The following CUX1 variants were observed in gnomAD, a reference collection of about 807,000 sequenced individuals.
The protein encoded by CUX1 is protein CASP.
A neutral mutation model predicts 158.8 loss-of-function variants in CUX1; 31 were observed. The ratio of observed to expected loss-of-function variants is 0.20; its 90% CI spans 0.15 to 0.26. The LOEUF is 0.26. CUX1 is among the 10% of genes least tolerant of loss of function. The pLI, the probability that CUX1 is intolerant of heterozygous loss-of-function variation, is 1.00. For synonymous variants in CUX1, 879 were observed against 862.1 expected (o/e 1.02, Z -0.34); for missense variants, 1,589 against 2,014.6 (o/e 0.79, Z 4.04).
chr7:102,179,031 A>G (rs547270672), intron 11 of CUX1, among the ~76,000 whole-genome samples: 1 of 152,036 alleles, frequency 6.6e-6, no homozygotes, highest in South Asian at 2.1e-4. Context: ...TGCCCGGCTT[A>G]TTTGTTTATT....
intron 21 of CUX1, 61 bp downstream of exon 21, chr7:102,227,730 T>C (rs1554529183): frequency 1.3e-6 from 2 of 1,548,994 alleles, no homozygotes; most frequent in Admixed American, 3.5e-5. Context: ...GAGGAGCAGG[T>C]GAAGGGCGGG....
intron 8 of CUX1, among the ~76,000 whole-genome samples, chr7:102,126,810 G>T (rs1554495423): frequency 6.6e-6 from 1 of 152,168 alleles, no homozygotes; most frequent in African/African-American, 2.4e-5. Flanking sequence ...TTATTATTAT[G>T]ACATTGTAAT....
intron 3 of CUX1, among the ~76,000 whole-genome samples, chr7:102,029,331 C>T (rs1820433872): frequency 6.6e-6 from 1 of 151,952 alleles, no homozygotes; most frequent in African/African-American, 2.4e-5. Context: ...TCACAGGGAA[C>T]ACATGGGGGA....
chr7:101,874,542 G>A (rs1028076725), intron 1 of CUX1, among the ~76,000 whole-genome samples: 3 of 152,192 alleles, frequency 2.0e-5, no homozygotes, highest in Non-Finnish European at 4.4e-5. Flanking sequence ...TTTTAGGATC[G>A]TGATGTCTTT....
intron 11 of CUX1, among the ~76,000 whole-genome samples, chr7:102,189,399 A>ATTC (rs1554516291): frequency 1.2e-5 from 1 of 83,604 alleles, no homozygotes; most frequent in Non-Finnish European, 2.7e-5. Context: ...TTTTTTTAAA[A>ATTC]AAAAAAGAGG....
rs781812303 is a variant in CUX1 at position 102,249,272 on chromosome 7, C to G, written c.*230C>G. On this transcript the variant is annotated 3_prime_UTR_variant, in exon 24 of 24. Coordinates refer to ENST00000292535, the MANE Select transcript of CUX1 (RefSeq NM_181552.4). ...GACCCACTCTGCGGCCCGGGCCGAC[C>G]CTGCGGCCTCCACCAACCCCGCGGC... 15 of 1,052,728 alleles carry G rather than the reference C, an allele frequency of 1.4e-5. No individual in the cohort carries two copies. The highest frequency in any genetic ancestry group is 1.6e-5 in the Non-Finnish European group (14 of 872,590). 65.2% of individuals were successfully genotyped at this position (1,052,728 alleles called of 1,614,324 possible). A position where few individuals can be genotyped will look rare whatever the true frequency, so the allele number is the denominator to read the frequency against.
chr7:102,179,979 G>C (rs1792850649), intron 11 of CUX1, among the ~76,000 whole-genome samples: 1 of 152,142 alleles, frequency 6.6e-6, no homozygotes, highest in Non-Finnish European at 1.5e-5. Flanking sequence ...CTGGTATGAA[G>C]TAGTCCTAGG....
chr7:102,264,539 CTTTG>C (rs1337663642), intron 14 of CUX1, among the ~76,000 whole-genome samples: 1 of 152,070 alleles, frequency 6.6e-6, no homozygotes, highest in Non-Finnish European at 1.5e-5. Context: ...ATTGCTGAGG[CTTTG>C]TTTTTTACTC....
At chr7:102,185,931 A>G (rs1793575668) in intron 11 of CUX1, among the ~76,000 whole-genome samples, 2 of 152,182 alleles carry the variant, frequency 1.3e-5, no homozygotes, top group Admixed American at 1.3e-4. Context: ...AAGTTTTGCA[A>G]TCATGAAATC....
chr7:102,024,695 G>T (rs998671950), intron 2 of CUX1, among the ~76,000 whole-genome samples: 4 of 152,050 alleles, frequency 2.6e-5, no homozygotes, highest in African/African-American at 4.8e-5. Context: ...TGTGTGCCAG[G>T]CCCCATGGTC....
At chr7:102,081,098 T>G (rs1827332317) in intron 4 of CUX1, among the ~76,000 whole-genome samples, 1 of 152,178 alleles carries the variant, frequency 6.6e-6, no homozygotes, top group South Asian at 2.1e-4. Context: ...TCTTCACCTA[T>G]TTACACTCTT....
chr7:101,870,547 C>G (rs1419094676), intron 1 of CUX1, among the ~76,000 whole-genome samples: 1 of 152,132 alleles, frequency 6.6e-6, no homozygotes, highest in East Asian at 1.9e-4. Flanking sequence ...CTGCGATACT[C>G]CAGTCAAGGC....
chr7:102,219,890 C>G (rs1554526300), intron 20 of CUX1, among the ~76,000 whole-genome samples: 1 of 152,196 alleles, frequency 6.6e-6, no homozygotes, highest in Non-Finnish European at 1.5e-5. Context: ...GATGGAGATT[C>G]AGCAGGGCTG....
chr7:101,923,896 C>T (rs1306075944), intron 2 of CUX1, among the ~76,000 whole-genome samples: 2 of 152,252 alleles, frequency 1.3e-5, no homozygotes, highest in Non-Finnish European at 2.9e-5. Context: ...ACATCTTCCT[C>T]TGCCCCTTCT....
At chr7:101,880,265 C>T (rs971787238) in intron 1 of CUX1, among the ~76,000 whole-genome samples, 1 of 152,132 alleles carries the variant, frequency 6.6e-6, no homozygotes, top group African/African-American at 2.4e-5. Context: ...TGCTCGTTCA[C>T]TGTGGATTAA....
At chr7:102,268,272 C>T (rs1164183615) in intron 14 of CUX1, among the ~76,000 whole-genome samples, 2 of 152,228 alleles carry the variant, frequency 1.3e-5, no homozygotes, top group Admixed American at 6.5e-5. Context: ...GATCCCCTCT[C>T]GGGCACACGT....
In CUX1 at chr7:101,999,554, A is replaced by G. The variant is rs181339613; in HGVS notation, c.142-28544A>G. ...ACATCTAGAAAGCAGGATTGCCACCACTCCTCGAAGCACCCCACGATTAGA... is the reference window on the plus strand; with the variant it reads ...ACATCTAGAAAGCAGGATTGCCACCGCTCCTCGAAGCACCCCACGATTAGA... On this transcript the variant is annotated intron_variant, in intron 2 of 23. Transcript: ENST00000292535. 2.6e-3 allele frequency among the ~76,000 whole-genome samples: 396 copies of G among 151,754 alleles called. 1 individual carries two copies. The highest frequency in any genetic ancestry group is 8.8e-3 in the African/African-American group (366 of 41,398).
intron 3 of CUX1, among the ~76,000 whole-genome samples, chr7:102,055,859 A>G (rs781218708): frequency 1.3e-5 from 2 of 152,228 alleles, no homozygotes; most frequent in African/African-American, 2.4e-5. Flanking sequence ...GGAAAAGTTC[A>G]TCAAGGATAT....
At chr7:102,241,424 C>T (rs549297874) in intron 23 of CUX1, among the ~76,000 whole-genome samples, 42 of 152,264 alleles carry the variant, frequency 2.8e-4, no homozygotes, top group African/African-American at 8.7e-4. Context: ...CTGGTTCAAC[C>T]AAGGTCACCC....
Sources: gnomAD v4.1 joint callset for allele counts (sites outside exome capture counted in the v4.1 genomes callset) on GRCh38, gnomAD v4.1.1 for gene constraint, MANE v1.5 for transcripts, NCBI Gene and HGNC (gene_info 2026-07-23, HGNC 2026-07-21) for gene names.